The following PADI4 variants were observed in gnomAD, a reference collection of about 807,000 sequenced individuals.
PADI4 encodes the protein protein-arginine deiminase type-4.
PADI4 carries 62 observed loss-of-function variants against 75.0 expected under a neutral mutation model. The observed-to-expected ratio is 0.83, with a 90% CI of 0.67 to 1.02. The LOEUF (loss-of-function observed/expected upper bound fraction) is 1.02, where lower values mean the gene tolerates loss of function less well. PADI4 is among the 50% of genes least tolerant of loss of function. The pLI is 0.00. For missense variants in PADI4, 845 were observed against 850.5 expected, an observed-to-expected ratio of 0.99 and a Z score of 0.08; for synonymous variants, 361 against 348.1, an observed-to-expected ratio of 1.04 and a Z score of -0.41.
chr1:17,320,486 G>A (rs947852414), intron 1 of PADI4, among the ~76,000 whole-genome samples: 1 of 152,222 alleles, frequency 6.6e-6, no homozygotes, highest in African/African-American at 2.4e-5. Flanking sequence ...TGCTAAACAA[G>A]GGGTGGATTA....
At chr1:17,313,744 G>T (rs1268574843) in intron 1 of PADI4, among the ~76,000 whole-genome samples, 3 of 152,108 alleles carry the variant, frequency 2.0e-5, no homozygotes, top group African/African-American at 7.2e-5. Context: ...GATGGCGGAT[G>T]CTGGAGTTGG....
chr1:17,338,286 T>G, intron 5 of PADI4, 131 bp downstream of exon 5: 1 of 643,596 alleles, frequency 1.6e-6, no homozygotes, highest in Admixed American at 2.1e-5. Flanking sequence ...ATCTGTTTTA[T>G]AGGTGAAGCA....
Position 17,342,319 on chromosome 1 carries a change from G to T in PADI4, c.852G>T (p.Val284=). 2 of 1,613,512 alleles carry T rather than the reference G, an allele frequency of 1.2e-6. No homozygotes were observed. Among genetic ancestry groups the T allele is most frequent in the African/African-American group, 2.7e-5 (2 of 75,004 alleles). ...TSNLELPEAV[V]FQDSVVFRVA... Reference sequence around the variant, plus strand: ...TGCAGGAGCTCCCCGAGGCTGTGGTGTTCCAAGACAGCGTGGTCTTCCGCG... The same window carrying T: ...TGCAGGAGCTCCCCGAGGCTGTGGTTTTCCAAGACAGCGTGGTCTTCCGCG... The change falls in exon 8 of 16, where the codon GTG becomes GTT. Residue 284 remains valine (V), a synonymous_variant. Transcript: ENST00000375448.
intron 3 of PADI4, chr1:17,334,687 T>A: frequency 2.2e-6 from 1 of 452,666 alleles, no homozygotes; most frequent in Non-Finnish European, 4.4e-6. Flanking sequence ...ATAGTGTTCC[T>A]CAAATTCCAT....
rs150360720 is a variant in PADI4, at chr1:17,317,271, G to T, written c.92+8957G>T. Among the ~76,000 whole-genome samples, 49 of 151,204 alleles carry T rather than the reference G, an allele frequency of 3.2e-4. 1 individual carries two copies. Among genetic ancestry groups the T allele is most frequent in the African/African-American group, 1.2e-3 (49 of 41,164 alleles). On this transcript the variant is annotated intron_variant, in intron 1 of 15. Transcript: ENST00000375448. ...TAAGAAAATAGCAATAACAATGCACGCCACAGACATAATGCCGACGGAGTC... is the reference window on the plus strand; with the variant it reads ...TAAGAAAATAGCAATAACAATGCACTCCACAGACATAATGCCGACGGAGTC...
chr1:17,354,756 T>C, intron 11 of PADI4, 69 bp downstream of exon 11: 1 of 1,427,646 alleles, frequency 7.0e-7, no homozygotes, highest in South Asian at 1.4e-5. Flanking sequence ...GAGGCCAGAG[T>C]GGAAGCCTTG....
chr1:17,342,255 G>A (rs752423024), intron 7 of PADI4, 44 bp from the exon 8 acceptor site: 63 of 1,434,894 alleles, frequency 4.4e-5, no homozygotes, highest in Non-Finnish European at 5.8e-5. Flanking sequence ...CTGGGCCCTG[G>A]CAGCGGTGAC....
chr1:17,338,408 G>T (rs1203860433), intron 5 of PADI4, among the ~76,000 whole-genome samples: 6 of 152,144 alleles, frequency 3.9e-5, no homozygotes, highest in African/African-American at 1.4e-4. Flanking sequence ...TGGTTTCCAT[G>T]CCTCACCCTG....
At chr1:17,331,235 C>G in intron 2 of PADI4, 86 bp downstream of exon 2, 1 of 1,183,182 alleles carries the variant, frequency 8.5e-7, no homozygotes, top group Non-Finnish European at 1.2e-6. Context: ...ATCCACAGCA[C>G]CAGCCTGGCA....
chr1:17,355,893 A>G, intron 11 of PADI4, 90 bp from the exon 12 acceptor site: 2 of 1,330,606 alleles, frequency 1.5e-6, no homozygotes, highest in South Asian at 2.3e-5. Context: ...CTGAAGGAGA[A>G]CCCTGACCTT....
In PADI4 at chr1:17,356,835, G is replaced by A. The variant is rs541333175; in HGVS notation, c.1558+376G>A. On this transcript the variant is annotated intron_variant, in intron 13 of 15. Coordinates refer to ENST00000375448, the MANE Select transcript of PADI4 (RefSeq NM_012387.3). This position sits in a 1 kb window ranked among gnomAD's most constrained non-coding sequence, Gnocchi z 4.1. Reference sequence around the variant, plus strand: ...GAGATACCACAGGCAGAGGGACGGGGGTGGGGCGGCTCAGAGGCAGGAGAA... The same window carrying A: ...GAGATACCACAGGCAGAGGGACGGGAGTGGGGCGGCTCAGAGGCAGGAGAA... Among the ~76,000 whole-genome samples the A allele has an allele frequency of 3.6e-4, 55 of 151,800 alleles. No individual in the cohort carries two copies. The highest frequency in any genetic ancestry group is 3.4e-3 in the Middle Eastern group (1 of 294).
chr1:17,348,129 C>CCT, intron 10 of PADI4, 81 bp downstream of exon 10: 1 of 868,012 alleles, frequency 1.2e-6, no homozygotes, highest in Non-Finnish European at 1.9e-6. Flanking sequence ...CTGCCTTCCC[C>CCT]GCCCGCGCCT....
intron 11 of PADI4, among the ~76,000 whole-genome samples, chr1:17,355,538 CAAA>C (rs11364408): frequency 1.3e-4 from 18 of 134,722 alleles, no homozygotes; most frequent in Admixed American, 3.0e-4. Context: ...GACTCTGTCT[CAAA>C]AAAAAAAAAA....
Position 17,308,240 on chromosome 1 carries a change from G to A in PADI4, c.18G>A (p.Leu6=), listed in dbSNP as rs1465113059. 6.2e-7 allele frequency: 1 copy of A among 1,614,092 alleles called. No individual in the cohort carries two copies. The highest frequency in any genetic ancestry group is 2.2e-5 in the East Asian group (1 of 44,878). The part of the protein sequence containing the change: MAQGT[L]IRVTPEQPTH... ...GCCCGACGATGGCCCAGGGGACATT[G>A]ATCCGTGTGACCCCAGAGCAGCCCA... The change falls in exon 1 of 16, where the codon TTG becomes TTA. Residue 6 remains leucine, a synonymous_variant. Transcript: ENST00000375448.
chr1:17,332,640 T>C (rs1039811631), intron 2 of PADI4, among the ~76,000 whole-genome samples: 24 of 152,176 alleles, frequency 1.6e-4, no homozygotes, highest in African/African-American at 5.6e-4. Context: ...ATGTATCTTT[T>C]TGGGGACCAC....
At chr1:17,331,191 AGCAGG>A in intron 2 of PADI4, 42 bp downstream of exon 2, 1 of 1,530,976 alleles carries the variant, frequency 6.5e-7, no homozygotes, top group South Asian at 1.2e-5. Context: ...GATGGGCTTC[AGCAGG>A]GCAGCCACAC....
chr1:17,339,190 GTCA>G, intron 5 of PADI4, among the ~76,000 whole-genome samples: 1 of 152,068 alleles, frequency 6.6e-6, no homozygotes, highest in Non-Finnish European at 1.5e-5. Context: ...TTGGCTATCA[GTCA>G]GTCCCTTGGG....
chr1:17,332,539 C>T (rs1034405791), intron 2 of PADI4, among the ~76,000 whole-genome samples: 15 of 152,096 alleles, frequency 9.9e-5, no homozygotes, highest in Non-Finnish European at 1.9e-4. Flanking sequence ...CATGAGCCAC[C>T]GCATCTGGTC....
chr1:17,356,466 C>A lies in PADI4; in HGVS notation c.1558+7C>A. On this transcript the variant is annotated splice_region_variant and intron_variant, in intron 13 of 15. Coordinates refer to ENST00000375448, the MANE Select transcript of PADI4 (RefSeq NM_012387.3). This position sits in a 1 kb window ranked among gnomAD's most constrained non-coding sequence, Gnocchi z 4.1. The stretch of plus-strand genomic sequence containing the variant: ...CTGTTCGAAGGGATCAAGAGTAAGT[C>A]GGCCCTGCCTTGTTCTCCTGTCTGT... 3 of 1,551,082 alleles carry A rather than the reference C, an allele frequency of 1.9e-6. No individual in the cohort carries two copies. Among genetic ancestry groups the A allele is most frequent in the Non-Finnish European group, 1.8e-6 (2 of 1,124,150 alleles).
Sources: allele counts gnomAD v4.1 joint callset (sites outside exome capture counted in the v4.1 genomes callset), GRCh38; gene constraint gnomAD v4.1.1; non-coding constraint Gnocchi (gnomAD v3.1); transcripts MANE v1.5; gene names NCBI Gene and HGNC (gene_info 2026-07-23, HGNC 2026-07-21).